ZNF280D: variants seen among roughly 807,000 people sequenced by gnomAD.
The protein encoded by ZNF280D is zinc finger protein 280D, also known as suppressor of hairy wing homolog 4.
Under a neutral mutation model 94.7 loss-of-function variants are expected in ZNF280D, and 39 were observed. The ratio of observed to expected loss-of-function variants is 0.41; its 90% CI spans 0.32 to 0.54. The LOEUF is 0.54. Among genes scored for constraint, ZNF280D ranks in the 20% least tolerant of loss-of-function variants. The pLI is 0.22. For synonymous variants in ZNF280D, 398 were observed against 377.6 expected, an observed-to-expected ratio of 1.05 and a Z score of -0.63; for missense variants, 1,090 against 1,149.3, an observed-to-expected ratio of 0.95 and a Z score of 0.75.
At chr15:56,702,509 A>T (rs2057137559) in intron 4 of ZNF280D, among the ~76,000 whole-genome samples, 2 of 152,326 alleles carry the variant, frequency 1.3e-5, no homozygotes, top group Non-Finnish European at 2.9e-5. Context: ...TTTTAAAACT[A>T]ATGTACAGTG....
At chr15:56,705,608 A>G (rs1199188352) in intron 3 of ZNF280D, among the ~76,000 whole-genome samples, 1 of 152,196 alleles carries the variant, frequency 6.6e-6, no homozygotes, top group Non-Finnish European at 1.5e-5. Context: ...AATCAAGTGG[A>G]TACTCAACAA....
chr15:56,721,767 C>A (rs1266552036), intron 1 of ZNF280D, among the ~76,000 whole-genome samples: 4 of 152,088 alleles, frequency 2.6e-5, no homozygotes, highest in African/African-American at 9.7e-5. Flanking sequence ...CTAGCCAGAC[C>A]ATTACAACTT....
rs763854004 is a variant in ZNF280D, at chr15:56,631,507, T to C, written c.2931A>G (p.Glu977=). ...CTTAAAATGACTAATTTCAACTTCT[T>C]TCTTTTTCGTCTTCCAGGTCTACTG... The part of the protein sequence containing the change: ...EATVDLEDEK[E]RS The change falls in exon 22 of 22, where the codon GAA becomes GAG. Residue 977 remains glutamate (E), a synonymous_variant. Transcript: ENST00000267807. 3 of 1,610,504 alleles carry C rather than the reference T, an allele frequency of 1.9e-6. No individual in the cohort carries two copies. The East Asian group carries it at 6.7e-5, about 36-fold the overall frequency.
At chr15:56,697,027 GAACT>G (rs1438062183) in intron 6 of ZNF280D, among the ~76,000 whole-genome samples, 1 of 151,900 alleles carries the variant, frequency 6.6e-6, no homozygotes, top group Non-Finnish European at 1.5e-5. Flanking sequence ...TTTACCTAAC[GAACT>G]ATTAAATAAT....
intron 6 of ZNF280D, among the ~76,000 whole-genome samples, chr15:56,696,126 G>A (rs773163495): frequency 6.6e-6 from 1 of 152,122 alleles, no homozygotes; most frequent in Non-Finnish European, 1.5e-5. Flanking sequence ...AGGCCTAGTA[G>A]GCAGATGTAG....
At chr15:56,653,074 C>G (rs1179506960) in intron 19 of ZNF280D, 3 of 981,360 alleles carry the variant, frequency 3.1e-6, no homozygotes, top group Non-Finnish European at 3.6e-6. Context: ...AGAATTAATA[C>G]TGGTTAATAG....
intron 17 of ZNF280D, 35 bp from the exon 18 acceptor site, chr15:56,654,538 T>G: frequency 6.5e-7 from 1 of 1,534,334 alleles, no homozygotes; most frequent in Non-Finnish European, 8.8e-7. Flanking sequence ...GATTTTTATC[T>G]TTTATGAAAA....
In ZNF280D at chr15:56,702,600, G is replaced by A. The variant is rs567421189; in HGVS notation, c.176-1362C>T. ...CTTAACTGTCATGTTTTCAATAAGA[G>A]TTTGAATTTTGCAATATAATATTTC... On this transcript the variant is annotated intron_variant, in intron 4 of 21. Transcript: ENST00000267807. 2.8e-4 allele frequency among the ~76,000 whole-genome samples: 43 copies of A among 152,110 alleles called. No individual in the cohort carries two copies. In the South Asian group the frequency reaches 8.1e-3, roughly 29 times the overall value.
chr15:56,732,639 C>T (rs947442567), intron 1 of ZNF280D: 1 of 151,946 alleles, frequency 6.6e-6, no homozygotes, highest in Non-Finnish European at 1.5e-5. Flanking sequence ...CAAACAAAGG[C>T]CTTTGGCCAA....
chr15:56,668,655 C>A (rs776431086), intron 14 of ZNF280D, among the ~76,000 whole-genome samples, 168 bp downstream of exon 14: 1 of 151,966 alleles, frequency 6.6e-6, no homozygotes, highest in Non-Finnish European at 1.5e-5. Flanking sequence ...TCACTGAACT[C>A]AAAACAATGG....
At chr15:56,661,214 T>G (rs1263275601) in intron 16 of ZNF280D, among the ~76,000 whole-genome samples, 1 of 151,880 alleles carries the variant, frequency 6.6e-6, no homozygotes, top group Non-Finnish European at 1.5e-5. Flanking sequence ...AAGCAAAGAG[T>G]AACTGTGAAG....
chr15:56,712,888 G>A (rs1464148847), intron 1 of ZNF280D, among the ~76,000 whole-genome samples: 1 of 151,674 alleles, frequency 6.6e-6, no homozygotes, highest in African/African-American at 2.4e-5. Flanking sequence ...TTATAGGTGC[G>A]CACCATCATG....
At chr15:56,714,613 T>C (rs2057939821) in intron 1 of ZNF280D, among the ~76,000 whole-genome samples, 1 of 152,120 alleles carries the variant, frequency 6.6e-6, no homozygotes, top group Non-Finnish European at 1.5e-5. Context: ...AGGCTGCTCT[T>C]TCCAAGAATA....
intron 16 of ZNF280D, among the ~76,000 whole-genome samples, chr15:56,660,321 G>A (rs1005550916): frequency 2.6e-5 from 4 of 152,084 alleles, no homozygotes; most frequent in African/African-American, 7.2e-5. Context: ...TTAAATATAA[G>A]AGGAGAGAAA....
chr15:56,711,820 G>C (rs554113993), intron 1 of ZNF280D, among the ~76,000 whole-genome samples: 1 of 152,194 alleles, frequency 6.6e-6, no homozygotes, highest in Non-Finnish European at 1.5e-5. Flanking sequence ...TTGTAGTTGT[G>C]AGAACATCGT....
At chr15:56,731,418 G>A (rs1372657904) in intron 1 of ZNF280D, among the ~76,000 whole-genome samples, 4 of 148,072 alleles carry the variant, frequency 2.7e-5, no homozygotes, top group Non-Finnish European at 5.9e-5. Flanking sequence ...TGGGAGGATG[G>A]CTTGAGCCCA....
At chr15:56,732,675 G>T (rs1342628439) in intron 1 of ZNF280D, 2 of 152,086 alleles carry the variant, frequency 1.3e-5, no homozygotes, top group East Asian at 3.9e-4. Flanking sequence ...GCAGAAGCGG[G>T]TTCACCTTGA....
At chr15:56,702,594 A>ATT (rs2057146659) in intron 4 of ZNF280D, among the ~76,000 whole-genome samples, 1 of 152,164 alleles carries the variant, frequency 6.6e-6, no homozygotes, top group Admixed American at 6.5e-5. Context: ...CATGTTTTCA[A>ATT]TAAGAGTTTG....
intron 13 of ZNF280D, among the ~76,000 whole-genome samples, chr15:56,670,662 A>G (rs1038504613): frequency 1.3e-5 from 2 of 151,902 alleles, no homozygotes; most frequent in African/African-American, 2.4e-5. Flanking sequence ...ATGTGTGCAT[A>G]TGTCTTAACA....
Sources: allele counts gnomAD v4.1 joint callset (sites outside exome capture counted in the v4.1 genomes callset), GRCh38; gene constraint gnomAD v4.1.1; transcripts MANE v1.5; gene names NCBI Gene and HGNC (gene_info 2026-07-23, HGNC 2026-07-21).